The following HPRT1 variants were observed in gnomAD, a reference collection of about 807,000 sequenced individuals.
The protein encoded by HPRT1 is hypoxanthine-guanine phosphoribosyltransferase.
HPRT1 carries 4 observed loss-of-function variants against 19.0 expected under a neutral mutation model. The observed-to-expected ratio is 0.21, with a 90% CI of 0.10 to 0.48. The LOEUF is 0.48. Among genes scored for constraint, HPRT1 ranks in the 20% least tolerant of loss-of-function variants. The pLI is 0.98. For synonymous variants in HPRT1, 53 were observed against 54.9 expected (o/e 0.97, Z 0.15); for missense variants, 65 against 164.0 (o/e 0.40, Z 3.30).
chrX:134,460,181 G>A lies in HPRT1; in HGVS notation c.-131G>A, dbSNP rs2077578465. ...CTTCTCCTCAGCTTCAGGCGGCTGCGACGAGCCCTCAGGCGAACCTCTCGG... is the reference window on the plus strand; with the variant it reads ...CTTCTCCTCAGCTTCAGGCGGCTGCAACGAGCCCTCAGGCGAACCTCTCGG... On this transcript the variant is annotated 5_prime_UTR_variant, in exon 1 of 9. Transcript: ENST00000298556. 1.5e-6 allele frequency: 1 copy of A among 679,525 alleles called. No homozygotes were observed. Among genetic ancestry groups the A allele is most frequent in the South Asian group, 2.4e-5 (1 of 40,904 alleles). The allele number at this position is 679,525 out of a possible 1,213,427, so 56.0% of individuals were successfully genotyped here. A position where few individuals can be genotyped will look rare whatever the true frequency, so the allele number is the denominator to read the frequency against.
intron 6 of HPRT1, among the ~76,000 whole-genome samples, chrX:134,495,116 T>C (rs1216481549): frequency 9.3e-6 from 1 of 107,842 alleles, no homozygotes; most frequent in African/African-American, 3.4e-5. Context: ...GGAGGTGATA[T>C]CGCCTCTGTT....
chrX:134,486,603 A>G, intron 4 of HPRT1, 73 bp downstream of exon 4: 3 of 617,381 alleles, frequency 4.9e-6, no homozygotes, highest in East Asian at 3.4e-5. Context: ...CTTTCAATCA[A>G]TCACTAAGAG....
intron 1 of HPRT1, among the ~76,000 whole-genome samples, chrX:134,472,597 G>A (rs746352368): frequency 1.8e-5 from 2 of 111,105 alleles, no homozygotes; most frequent in South Asian, 3.8e-4. Flanking sequence ...ACGAAATCTC[G>A]CTCTTGTCCC....
At chrX:134,468,169 G>A (rs1226486755) in intron 1 of HPRT1, among the ~76,000 whole-genome samples, 1 of 110,247 alleles carries the variant, frequency 9.1e-6, no homozygotes, top group Non-Finnish European at 1.9e-5. Flanking sequence ...TACATGTCAT[G>A]CCATCTATTA....
chrX:134,490,897 A>G (rs1214280590), intron 5 of HPRT1, among the ~76,000 whole-genome samples: 1 of 108,423 alleles, frequency 9.2e-6, no homozygotes. Flanking sequence ...GCCATCCTAT[A>G]TAAAATCTCA....
chrX:134,476,880 A>T (rs1201228214), intron 3 of HPRT1, among the ~76,000 whole-genome samples: 8 of 110,232 alleles, frequency 7.3e-5, no homozygotes, highest in Non-Finnish European at 1.9e-5. Context: ...ATTAAGCTGA[A>T]CTCCTCAACT....
At chrX:134,477,080 A>C (rs2077627823) in intron 3 of HPRT1, among the ~76,000 whole-genome samples, 1 of 90,581 alleles carries the variant, frequency 1.1e-5, no homozygotes. Context: ...TTTTTTTTTG[A>C]GACAGAGTCT....
At chrX:134,462,692 C>T (rs938627457) in intron 1 of HPRT1, among the ~76,000 whole-genome samples, 6 of 111,870 alleles carry the variant, frequency 5.4e-5, no homozygotes, top group Non-Finnish European at 1.1e-4. Flanking sequence ...CTAGAGCTGG[C>T]TGTTTGTTAG....
At chrX:134,492,743 C>G (rs2077670981) in intron 5 of HPRT1, among the ~76,000 whole-genome samples, 1 of 111,973 alleles carries the variant, frequency 8.9e-6, no homozygotes, top group Non-Finnish European at 1.9e-5. Context: ...TGGTCACATT[C>G]AAGGGGAGGG....
chrX:134,484,438 T>C lies in HPRT1; in HGVS notation c.319-2027T>C, dbSNP rs148426047. ...GAGAAGTAATATGCAAAGGTTGATA[T>C]CAGAAGTCATATGCTCACCTTGCAA... On this transcript the variant is annotated intron_variant, in intron 3 of 8. Coordinates refer to ENST00000298556, the MANE Select transcript of HPRT1 (RefSeq NM_000194.3). Among the ~76,000 whole-genome samples the C allele has an allele frequency of 9.1e-4, 102 of 112,027 alleles. No individual in the cohort carries two copies. The East Asian group carries it at 0.027, about 29-fold the overall frequency.
chrX:134,463,601 A>C (rs2077589860), intron 1 of HPRT1, among the ~76,000 whole-genome samples: 1 of 111,528 alleles, frequency 9.0e-6, no homozygotes. Context: ...TTTGTTTTCT[A>C]TCCATTGTTT....
At position 134,493,692 on chromosome X, in the gene HPRT1, C is replaced by T. The variant is rs1402955377; in HGVS notation, c.485+102C>T. On this transcript the variant is annotated intron_variant, in intron 6 of 8. Coordinates refer to ENST00000298556, the MANE Select transcript of HPRT1 (RefSeq NM_000194.3). Reference sequence around the variant, plus strand: ...ATGTTTTCAACTGTCATTTTATCTTCGAAAAGTAATGTAATCTCATATAAG... The same window carrying T: ...ATGTTTTCAACTGTCATTTTATCTTTGAAAAGTAATGTAATCTCATATAAG... 1.9e-5 allele frequency: 11 copies of T among 579,980 alleles called. 1 individual carries two copies. The highest frequency in any genetic ancestry group is 1.8e-4 in the South Asian group (8 of 43,496). 47.8% of individuals were successfully genotyped at this position (579,980 alleles called of 1,213,427 possible). A position where few individuals can be genotyped will look rare whatever the true frequency, so the allele number is the denominator to read the frequency against.
chrX:134,483,377 A>G (rs960049594), intron 3 of HPRT1, among the ~76,000 whole-genome samples: 1 of 111,894 alleles, frequency 8.9e-6, no homozygotes, highest in African/African-American at 3.3e-5. Context: ...GTTCTTCCCT[A>G]TTATCCTTCC....
chrX:134,483,767 A>G lies in HPRT1; in HGVS notation c.319-2698A>G, dbSNP rs1376656150. On this transcript the variant is annotated intron_variant, in intron 3 of 8. Coordinates refer to ENST00000298556, the MANE Select transcript of HPRT1 (RefSeq NM_000194.3). The stretch of plus-strand genomic sequence containing the variant: ...TGATCCATGTATGCCATTCATGTAC[A>G]ATGTAGGCACTTATACCTGTATTCC... 3.6e-5 allele frequency among the ~76,000 whole-genome samples: 4 copies of G among 111,945 alleles called. No individual in the cohort carries two copies. In the East Asian group the frequency reaches 1.1e-3, roughly 31 times the overall value.
At chrX:134,467,426 T>G (rs185220302) in intron 1 of HPRT1, among the ~76,000 whole-genome samples, 2 of 112,500 alleles carry the variant, frequency 1.8e-5, no homozygotes, top group East Asian at 5.6e-4. Context: ...ACTGCCTTAA[T>G]CAAGGTAGAT....
chrX:134,465,131 G>T (rs758476272), intron 1 of HPRT1, among the ~76,000 whole-genome samples: 1 of 108,557 alleles, frequency 9.2e-6, no homozygotes, highest in Non-Finnish European at 1.9e-5. Context: ...ATGTTGGGCA[G>T]GCCAGGGGTG....
At chrX:134,487,092 GT>G (rs2077655916) in intron 4 of HPRT1, among the ~76,000 whole-genome samples, 1 of 111,350 alleles carries the variant, frequency 9.0e-6, no homozygotes, top group Admixed American at 9.6e-5. Flanking sequence ...TCTTACAACA[GT>G]TTCTGGTAAA....
chrX:134,498,584 A>T, intron 7 of HPRT1, 24 bp from the exon 8 acceptor site: 1 of 1,097,957 alleles, frequency 9.1e-7, no homozygotes. Flanking sequence ...CTTTATCTAA[A>T]TGATGAATTA....
chrX:134,472,855 G>A (rs185810796), intron 1 of HPRT1, among the ~76,000 whole-genome samples: 271 of 111,366 alleles, frequency 2.4e-3, no homozygotes, highest in Non-Finnish European at 4.2e-3. Context: ...GATTACAGGC[G>A]TGAGCCACCG....
Sources: allele counts gnomAD v4.1 joint callset (sites outside exome capture counted in the v4.1 genomes callset), GRCh38; gene constraint gnomAD v4.1.1; transcripts MANE v1.5; gene names NCBI Gene and HGNC (gene_info 2026-07-23, HGNC 2026-07-21).